The following FAT3 variants were observed in gnomAD, a reference collection of about 807,000 sequenced individuals.
The protein encoded by FAT3 is protocadherin Fat 3.
In FAT3, 95 loss-of-function variants were observed where a neutral mutation model predicts 310.2. That is an observed-to-expected ratio of 0.31 (90% CI 0.26 to 0.36). The LOEUF is 0.36. FAT3 is among the 10% of genes least tolerant of loss of function. The probability of loss-of-function intolerance (pLI) is 1.00; values close to 1 mark genes in which losing one functional copy is unlikely to be tolerated. For synonymous variants in FAT3, 2,314 were observed against 2,192.9 expected, an observed-to-expected ratio of 1.06 and a Z score of -1.54; for missense variants, 5,408 against 5,715.6, an observed-to-expected ratio of 0.95 and a Z score of 1.74.
chr11:92,746,501 T>A (rs964622397), intron 4 of FAT3, among the ~76,000 whole-genome samples: 1 of 152,190 alleles, frequency 6.6e-6, no homozygotes, highest in Non-Finnish European at 1.5e-5. Flanking sequence ...GGTGGGGATA[T>A]GGCCAAATCA....
chr11:92,354,851 T>C lies in FAT3; in HGVS notation c.2739T>C (p.Gly913=), dbSNP rs1250046950. Residue 913 remains glycine (G), a synonymous_variant, in exon 2 of 28, where the codon GGT becomes GGC. Transcript: ENST00000525166. The stretch of plus-strand genomic sequence containing the variant: ...AAGCCAGGGACAAGGCAGAGAGTGG[T>C]CAGCAGCTGTTTTCAGTTGTCACTC... ...KIEARDKAES[G]QQLFSVVTLK... 3 of 1,613,862 alleles carry C rather than the reference T, an allele frequency of 1.9e-6. No individual in the cohort carries two copies. Among genetic ancestry groups the C allele is most frequent in the African/African-American group, 1.3e-5 (1 of 75,036 alleles).
At position 92,340,753 on chromosome 11, in the gene FAT3, C is replaced by T. The variant is rs182547356; in HGVS notation, c.-17-11343C>T. Among the ~76,000 whole-genome samples, 401 of 152,236 alleles carry T rather than the reference C, an allele frequency of 2.6e-3. 4 individuals carry two copies. The highest frequency in any genetic ancestry group is 1.8e-3 in the Non-Finnish European group (122 of 68,022). ...CCCATGTGGTGATTGAAGGGGTGAC[C>T]TTGGTCTCATTAGCACTGAGTACTA... On this transcript the variant is annotated intron_variant, in intron 1 of 27. Transcript: ENST00000525166.
At chr11:92,763,106 C>T (rs1185135275) in intron 5 of FAT3, among the ~76,000 whole-genome samples, 1 of 151,814 alleles carries the variant, frequency 6.6e-6, no homozygotes, top group Non-Finnish European at 1.5e-5. Context: ...TTGCAGTGAG[C>T]CAAGACCACG....
intron 17 of FAT3, 88 bp downstream of exon 17, chr11:92,837,894 C>T: frequency 1.3e-6 from 2 of 1,507,626 alleles, no homozygotes; most frequent in Non-Finnish European, 9.2e-7. Flanking sequence ...TTTATTGCTA[C>T]TATTACTTAA....
chr11:92,336,336 T>C (rs1296830467), intron 1 of FAT3: 3 of 425,042 alleles, frequency 7.1e-6, no homozygotes, highest in South Asian at 3.9e-5. Context: ...CTCCTGCCAA[T>C]GTACGGTCAG....
At chr11:92,648,012 G>T (rs1160394280) in intron 3 of FAT3, among the ~76,000 whole-genome samples, 1 of 152,154 alleles carries the variant, frequency 6.6e-6, no homozygotes. Context: ...AGGGATAGAA[G>T]AGCCGGAAAG....
chr11:92,299,551 C>G (rs1241653269), intron 1 of FAT3, among the ~76,000 whole-genome samples: 1 of 152,010 alleles, frequency 6.6e-6, no homozygotes, highest in Non-Finnish European at 1.5e-5. Flanking sequence ...ACAATAAATA[C>G]ATATGAATTG....
At chr11:92,470,886 A>G (rs895602604) in intron 2 of FAT3, among the ~76,000 whole-genome samples, 2 of 152,216 alleles carry the variant, frequency 1.3e-5, no homozygotes, top group African/African-American at 4.8e-5. Flanking sequence ...TCCTTCATAG[A>G]AATTTTAGAA....
intron 3 of FAT3, among the ~76,000 whole-genome samples, chr11:92,547,962 A>G (rs901617443): frequency 6.6e-6 from 1 of 152,154 alleles, no homozygotes; most frequent in Non-Finnish European, 1.5e-5. Context: ...GTGGAGAGGC[A>G]TGGTAAAGGA....
intron 21 of FAT3, among the ~76,000 whole-genome samples, chr11:92,861,967 G>A (rs927605322): frequency 1.3e-5 from 2 of 152,126 alleles, no homozygotes; most frequent in African/African-American, 4.8e-5. Context: ...CTCGAGAAGT[G>A]AAAATGCTCA....
rs541304164 is a variant in FAT3, at chr11:92,890,700, C to T, written c.13357C>T (p.Pro4453Ser). 2.8e-5 allele frequency: 45 copies of T among 1,613,640 alleles called. No homozygotes were observed. In the Admixed American group the frequency reaches 3.2e-4, roughly 11 times the overall value. ...EEFLSQDQLP[P>S]PLPEDFPDQY... ...GTTCTTGAGTCAGGACCAGCTGCCT[C>T]CTCCTCTCCCGGAGGACTTCCCAGA... Residue 4453 changes from proline to serine, a missense_variant, in exon 28 of 28, where the codon CCT becomes TCT. By Grantham distance (74) the Pro-to-Ser change is moderately conservative. Transcript: ENST00000525166.
chr11:92,514,891 T>C (rs971087099), intron 2 of FAT3, among the ~76,000 whole-genome samples: 2 of 152,158 alleles, frequency 1.3e-5, no homozygotes, highest in African/African-American at 4.8e-5. Context: ...CAAATTTTTG[T>C]CTCAGTGTGA....
At chr11:92,435,123 A>ATTCAAAAG in intron 2 of FAT3, among the ~76,000 whole-genome samples, 1 of 152,160 alleles carries the variant, frequency 6.6e-6, no homozygotes, top group Admixed American at 6.5e-5. Flanking sequence ...GGCAAGAGTG[A>ATTCAAAAG]TTTAATTCAA....
chr11:92,355,391 AGAC>A lies in FAT3; in HGVS notation c.3285_3287del (p.Asp1095del). On this transcript the variant is annotated inframe_deletion, in exon 2 of 28. Transcript: ENST00000525166. The stretch of plus-strand genomic sequence containing the variant: ...GCAGTGGTCTTGGAAGGTTCAGTAT[AGAC>A]GACGAGAGTGGTAAGTGTAATATTT... The A allele has an allele frequency of 6.2e-7, 1 of 1,607,986 alleles. No homozygotes were observed.
chr11:92,235,189 A>G (rs749630474), intron 1 of FAT3, among the ~76,000 whole-genome samples: 5 of 152,144 alleles, frequency 3.3e-5, no homozygotes, highest in Non-Finnish European at 7.4e-5. Flanking sequence ...GAGCATCCAG[A>G]GAAGTTCCCC....
chr11:92,880,943 A>C (rs1949658931), intron 23 of FAT3, 59 bp downstream of exon 23: 2 of 1,556,828 alleles, frequency 1.3e-6, no homozygotes, highest in East Asian at 4.5e-5. Context: ...ACAACAAACC[A>C]GTAAACAACT....
At position 92,889,888 on chromosome 11, in the gene FAT3, C is replaced by A. The variant is rs1175842428; in HGVS notation, c.13144C>A (p.Arg4382=). ...CATGGACCAAGGACAGAACTACAAC[C>A]GAGGTGACTGTGCCGCAACCCTAGC... ...SVMDQGQNYN[R]AYHWDTSDWM... is the part of the protein sequence containing the mutation. The change falls in exon 27 of 28, where the codon CGA becomes AGA. Residue 4382 remains arginine (R), a synonymous_variant. Transcript: ENST00000525166. 3 of 718,068 alleles carry A rather than the reference C, an allele frequency of 4.2e-6. No individual in the cohort carries two copies. The highest frequency in any genetic ancestry group is 3.0e-5 in the South Asian group (2 of 67,594). The allele number at this position is 718,068 out of a possible 1,614,324, so 44.5% of individuals were successfully genotyped here. A position where few individuals can be genotyped will look rare whatever the true frequency, so the allele number is the denominator to read the frequency against.
At chr11:92,639,583 T>A (rs769833220) in intron 3 of FAT3, among the ~76,000 whole-genome samples, 2 of 152,204 alleles carry the variant, frequency 1.3e-5, no homozygotes, top group Non-Finnish European at 2.9e-5. Flanking sequence ...CCATTTAATG[T>A]CTGAGCATGG....
Position 92,883,768 on chromosome 11 carries a change from G to A in FAT3, c.12937+375G>A, listed in dbSNP as rs1949732891. On this transcript the variant is annotated intron_variant, in intron 24 of 27. Coordinates refer to ENST00000525166, the MANE Select transcript of FAT3 (RefSeq NM_001367949.2). The surrounding 1 kb of genome is among the most constrained non-coding windows in gnomAD (Gnocchi z 4.2). ...GTTATTGTGTATAAATTATAATAGT[G>A]TGTGTGTGTCTGGGCCTATGTACAA... Among the ~76,000 whole-genome samples, 1 of 152,174 alleles carries A rather than the reference G, an allele frequency of 6.6e-6. No homozygotes were observed. The highest frequency in any genetic ancestry group is 2.4e-5 in the African/African-American group (1 of 41,446).
Sources: gnomAD v4.1 joint callset for allele counts (sites outside exome capture counted in the v4.1 genomes callset) on GRCh38, gnomAD v4.1.1 for gene constraint, Gnocchi (gnomAD v3.1) non-coding constraint, MANE v1.5 for transcripts, NCBI Gene and HGNC (gene_info 2026-07-23, HGNC 2026-07-21) for gene names.